The following PALLD variants were observed in gnomAD, a reference collection of about 807,000 sequenced individuals.
The protein encoded by PALLD is palladin.
In PALLD, 61 loss-of-function variants were observed where a neutral mutation model predicts 123.5. The observed-to-expected ratio is 0.49, with a 90% CI of 0.40 to 0.61. The LOEUF is 0.61. PALLD is among the 20% of genes least tolerant of loss of function. The pLI, the probability that PALLD is intolerant of heterozygous loss-of-function variation, is 0.00. For missense variants in PALLD, 1,273 were observed against 1,377.0 expected (o/e 0.92, Z 1.20); for synonymous variants, 465 against 496.4 (o/e 0.94, Z 0.84).
At chr4:168,763,324 C>T (rs1209930667) in intron 10 of PALLD, among the ~76,000 whole-genome samples, 4 of 152,248 alleles carry the variant, frequency 2.6e-5, no homozygotes, top group East Asian at 1.9e-4. Context: ...CTACTATGTG[C>T]CGGGTGCTCT....
intron 10 of PALLD, chr4:168,878,439 G>A (rs912190409): frequency 1.4e-6 from 2 of 1,393,512 alleles, no homozygotes; most frequent in South Asian, 2.9e-5. Flanking sequence ...CCTCCGCCTC[G>A]GGTCGCCCTG....
intron 2 of PALLD, among the ~76,000 whole-genome samples, chr4:168,544,493 G>T (rs943393763): frequency 6.6e-6 from 1 of 152,234 alleles, no homozygotes; most frequent in Admixed American, 6.5e-5. Context: ...GGCATTTAAA[G>T]ATGGGAGAGT....
chr4:168,642,498 T>A (rs1353018911), intron 2 of PALLD, among the ~76,000 whole-genome samples: 1 of 152,106 alleles, frequency 6.6e-6, no homozygotes, highest in Non-Finnish European at 1.5e-5. Flanking sequence ...GCCTCCTGGG[T>A]TCAAGCGATC....
At chr4:168,542,393 G>T (rs1244748619) in intron 2 of PALLD, among the ~76,000 whole-genome samples, 1 of 151,602 alleles carries the variant, frequency 6.6e-6, no homozygotes, top group Non-Finnish European at 1.5e-5. Context: ...TCTAGCCTGG[G>T]CAACAGAGAG....
Position 168,890,965 on chromosome 4 carries a change from G to C in PALLD, c.2008G>C (p.Asp670His). The change falls in exon 11 of 22, where the codon GAT becomes CAT. Residue 670 changes from aspartate (D) to histidine (H), a missense_variant. Transcript: ENST00000505667. ...KASRTARIAS[D>H]EEIQGTKDAV... The stretch of plus-strand genomic sequence containing the variant: ...CAGTAGAACTGCTAGAATAGCCTCC[G>C]ATGAGGAAATTCAAGGCACAAAGGA... 6.2e-7 allele frequency: 1 copy of C among 1,613,738 alleles called. No homozygotes were observed. The highest frequency in any genetic ancestry group is 8.5e-7 in the Non-Finnish European group (1 of 1,179,668).
chr4:168,762,952 A>G (rs544025560), intron 10 of PALLD, among the ~76,000 whole-genome samples: 2 of 152,264 alleles, frequency 1.3e-5, no homozygotes, highest in East Asian at 3.9e-4. Flanking sequence ...ACATGTTCTC[A>G]CTCATAAGTG....
Position 168,711,578 on chromosome 4 carries a change from T to C in PALLD, c.1622-3T>C. On this transcript the variant is annotated splice_polypyrimidine_tract_variant and splice_region_variant and intron_variant, in intron 9 of 21. Coordinates refer to ENST00000505667, the MANE Select transcript of PALLD (RefSeq NM_001166108.2). ...TGTTTTTCCTCTCTTTCCCCTTCCT[T>C]AGCCAACACTGAAAACTGTAGTTAC... 6.2e-7 allele frequency: 1 copy of C among 1,609,590 alleles called. No homozygotes were observed. The highest frequency in any genetic ancestry group is 8.5e-7 in the Non-Finnish European group (1 of 1,175,850).
chr4:168,907,883 G>C (rs1374946670), intron 15 of PALLD, among the ~76,000 whole-genome samples: 6 of 151,978 alleles, frequency 3.9e-5, no homozygotes, highest in Admixed American at 6.6e-5. Context: ...ACAGTAAACA[G>C]ACCAGTTTCT....
chr4:168,888,753 C>A (rs1260818929), intron 10 of PALLD, among the ~76,000 whole-genome samples: 1 of 152,056 alleles, frequency 6.6e-6, no homozygotes, highest in African/African-American at 2.4e-5. Context: ...CATTAATTAC[C>A]CCCTGAGTCT....
chr4:168,626,078 A>G (rs1295258042), intron 2 of PALLD, among the ~76,000 whole-genome samples: 1 of 151,116 alleles, frequency 6.6e-6, no homozygotes, highest in Admixed American at 6.7e-5. Flanking sequence ...CCTGGCTAAC[A>G]TGGTAAAACC....
chr4:168,713,895 A>C (rs1240891359), intron 10 of PALLD, among the ~76,000 whole-genome samples: 1 of 146,224 alleles, frequency 6.8e-6, no homozygotes, highest in Non-Finnish European at 1.5e-5. Context: ...TAACCACAAA[A>C]CCCAACAGCT....
chr4:168,894,465 G>A (rs1046584752), intron 11 of PALLD, 114 bp from the exon 12 acceptor site: 2 of 732,588 alleles, frequency 2.7e-6, no homozygotes, highest in Admixed American at 4.0e-5. Flanking sequence ...AAGCTGGAGA[G>A]AGAACACTTA....
intron 10 of PALLD, among the ~76,000 whole-genome samples, chr4:168,723,876 C>T (rs890645901): frequency 2.0e-4 from 30 of 148,236 alleles, no homozygotes; most frequent in African/African-American, 6.2e-4. Context: ...CCTCTAAGTA[C>T]GACTTTGAGT....
At chr4:168,571,581 T>C (rs1306665092) in intron 2 of PALLD, among the ~76,000 whole-genome samples, 2 of 152,192 alleles carry the variant, frequency 1.3e-5, no homozygotes, top group Non-Finnish European at 2.9e-5. Flanking sequence ...CAAAATGTGT[T>C]ACTTTTCACA....
chr4:168,805,548 AGCATGCAGG>A (rs1382102334), intron 10 of PALLD, among the ~76,000 whole-genome samples: 4 of 152,196 alleles, frequency 2.6e-5, no homozygotes, highest in African/African-American at 9.7e-5. Context: ...CACTGTTCTA[AGCATGCAGG>A]GCTCTTGCAC....
At position 168,926,726 on chromosome 4, in the gene PALLD, A is replaced by G. The variant is rs138919327; in HGVS notation, c.*546A>G. ...ATCTACAAGTGCCTTTAAACACAAGATATAGGTGCTGTGTAGCCTGATAGT... is the reference window on the plus strand; with the variant it reads ...ATCTACAAGTGCCTTTAAACACAAGGTATAGGTGCTGTGTAGCCTGATAGT... On this transcript the variant is annotated 3_prime_UTR_variant, in exon 22 of 22. Coordinates refer to ENST00000505667, the MANE Select transcript of PALLD (RefSeq NM_001166108.2). 1 of 308,360 alleles carries G rather than the reference A, an allele frequency of 3.2e-6. No individual in the cohort carries two copies. Among genetic ancestry groups the G allele is most frequent in the African/African-American group, 2.1e-5 (1 of 47,176 alleles). 19.1% of individuals were successfully genotyped at this position (308,360 alleles called of 1,614,324 possible).
chr4:168,564,431 AGT>A (rs1033508825), intron 2 of PALLD, among the ~76,000 whole-genome samples: 1 of 152,244 alleles, frequency 6.6e-6, no homozygotes, highest in Non-Finnish European at 1.5e-5. Flanking sequence ...GGATCTGTTC[AGT>A]GTCTATGACA....
intron 2 of PALLD, among the ~76,000 whole-genome samples, chr4:168,610,407 G>A (rs1773615964): frequency 1.3e-5 from 2 of 152,172 alleles, no homozygotes; most frequent in African/African-American, 2.4e-5. Context: ...TTCATGTAGG[G>A]CATTGCCCCA....
At chr4:168,903,494 C>T (rs1304697390) in intron 14 of PALLD, among the ~76,000 whole-genome samples, 1 of 151,850 alleles carries the variant, frequency 6.6e-6, no homozygotes, top group Admixed American at 6.6e-5. Context: ...TCAATATATC[C>T]CTTCATATAA....
Sources: allele counts gnomAD v4.1 joint callset (sites outside exome capture counted in the v4.1 genomes callset), GRCh38; gene constraint gnomAD v4.1.1; transcripts MANE v1.5; gene names NCBI Gene and HGNC (gene_info 2026-07-23, HGNC 2026-07-21).